Variants in HMGA2 observed in about 807,000 individuals in gnomAD.
The protein encoded by HMGA2 is high mobility group AT-hook 2.
A neutral mutation model predicts 19.1 loss-of-function variants in HMGA2; 8 were observed. The observed-to-expected ratio is 0.42, with a 90% confidence interval of 0.25 to 0.76. The LOEUF (loss-of-function observed/expected upper bound fraction) is 0.76. Ranked by LOEUF, HMGA2 falls within the 30% of genes least tolerant of loss-of-function variation. The pLI is 0.28. For missense variants in HMGA2, 109 were observed against 136.3 expected, an observed-to-expected ratio of 0.80 and a Z score of 1.00; for synonymous variants, 60 against 48.8, an observed-to-expected ratio of 1.23 and a Z score of -0.96.
intron 3 of HMGA2, among the ~76,000 whole-genome samples, chr12:65,927,700 C>T (rs901486882): frequency 2.0e-5 from 3 of 151,864 alleles, no homozygotes; most frequent in Non-Finnish European, 4.4e-5. Context: ...ATTGTATTTT[C>T]GGCTATCCAA....
chr12:65,842,672 G>T lies in HMGA2; in HGVS notation c.249+4103G>T, dbSNP rs1367168422. On this transcript the variant is annotated intron_variant, in intron 3 of 4. Transcript: ENST00000403681. ...CATGTGGTGTTCATCAGTTTGAAAA[G>T]AAGTATTTCTGCTGTTTGCCTCAAG... 2.6e-6 allele frequency: 4 copies of T among 1,530,302 alleles called. No homozygotes were observed. The East Asian group carries it at 9.8e-5, about 38-fold the overall frequency. 94.8% of individuals were successfully genotyped at this position (1,530,302 alleles called of 1,614,324 possible).
At chr12:65,860,329 C>T (rs1871990123) in intron 3 of HMGA2, among the ~76,000 whole-genome samples, 1 of 152,266 alleles carries the variant, frequency 6.6e-6, no homozygotes, top group South Asian at 2.1e-4. Flanking sequence ...GAATACTGTA[C>T]TGAAAGTGAA....
At chr12:65,844,231 C>T (rs1216483236) in intron 3 of HMGA2, among the ~76,000 whole-genome samples, 1 of 151,918 alleles carries the variant, frequency 6.6e-6, no homozygotes, top group East Asian at 1.9e-4. Flanking sequence ...TCCCTTAGAC[C>T]CTTGCCATTA....
chr12:65,880,649 A>C (rs530236223), intron 3 of HMGA2, among the ~76,000 whole-genome samples: 1 of 152,358 alleles, frequency 6.6e-6, no homozygotes, highest in South Asian at 2.1e-4. Flanking sequence ...GTTTTGCCTC[A>C]GAATCAGACA....
intron 3 of HMGA2, among the ~76,000 whole-genome samples, chr12:65,941,822 G>C (rs1334815027): frequency 1.3e-5 from 2 of 152,146 alleles, no homozygotes; most frequent in Non-Finnish European, 2.9e-5. Context: ...AATTTTCTGA[G>C]TATTGATTCT....
chr12:65,877,460 G>T (rs1193545417), intron 3 of HMGA2, among the ~76,000 whole-genome samples: 1 of 152,166 alleles, frequency 6.6e-6, no homozygotes, highest in Non-Finnish European at 1.5e-5. Context: ...GCTGAGAGGA[G>T]ATTCCAATGG....
At chr12:65,892,677 G>A (rs555836328) in intron 3 of HMGA2, among the ~76,000 whole-genome samples, 148 of 152,172 alleles carry the variant, frequency 9.7e-4, no homozygotes, top group African/African-American at 3.2e-3. Context: ...CTGATCCATG[G>A]GAATGGGGTC....
chr12:65,921,185 T>C (rs1046835287), intron 3 of HMGA2, among the ~76,000 whole-genome samples: 5 of 152,234 alleles, frequency 3.3e-5, no homozygotes, highest in Non-Finnish European at 5.9e-5. Context: ...ATTTAGAGTA[T>C]CTTGCAGAAG....
chr12:65,935,744 C>T (rs1875867290), intron 3 of HMGA2, among the ~76,000 whole-genome samples: 1 of 151,218 alleles, frequency 6.6e-6, no homozygotes, highest in Non-Finnish European at 1.5e-5. Context: ...GAAAAAGAAG[C>T]TTTTTTTTTC....
chr12:65,910,792 A>G (rs537337046), intron 3 of HMGA2, among the ~76,000 whole-genome samples: 2 of 152,090 alleles, frequency 1.3e-5, no homozygotes, highest in East Asian at 3.9e-4. Flanking sequence ...TTGGTTTCTT[A>G]TATGTGTCCT....
At chr12:65,953,593 TC>T (rs1876526043) in intron 4 of HMGA2, 1 of 152,098 alleles carries the variant, frequency 6.6e-6, no homozygotes, top group Non-Finnish European at 1.5e-5. Context: ...CAGTTGTTTT[TC>T]CCAAGAGAAT....
intron 3 of HMGA2, chr12:65,858,313 T>C (rs1449851289): frequency 2.0e-5 from 3 of 152,336 alleles, no homozygotes. Context: ...GATTTTACAG[T>C]TCTCTCTACC....
intron 4 of HMGA2, among the ~76,000 whole-genome samples, chr12:65,962,789 T>C (rs370190400): frequency 6.6e-6 from 1 of 152,184 alleles, no homozygotes; most frequent in South Asian, 2.1e-4. Flanking sequence ...ACTCTAAAAA[T>C]ACCAGCTATT....
At chr12:65,953,559 C>T (rs1382350481) in intron 4 of HMGA2, 3 of 152,092 alleles carry the variant, frequency 2.0e-5, no homozygotes, top group Admixed American at 2.0e-4. Flanking sequence ...ATTAATACAT[C>T]AAGAAATAAT....
intron 3 of HMGA2, among the ~76,000 whole-genome samples, chr12:65,878,034 G>A (rs1157471640): frequency 2.6e-5 from 4 of 152,102 alleles, no homozygotes; most frequent in African/African-American, 7.2e-5. Flanking sequence ...CCCAGCCAAG[G>A]GTGAGGTGTC....
intron 3 of HMGA2, among the ~76,000 whole-genome samples, chr12:65,936,942 G>A (rs188162733): frequency 3.9e-4 from 60 of 152,098 alleles, no homozygotes; most frequent in African/African-American, 1.1e-3. Context: ...GAAGGGAATG[G>A]AACTCACCAG....
At chr12:65,939,824 C>T (rs1005113381) in intron 3 of HMGA2, among the ~76,000 whole-genome samples, 2 of 152,056 alleles carry the variant, frequency 1.3e-5, no homozygotes, top group African/African-American at 2.4e-5. Flanking sequence ...AGGCAAGAGA[C>T]GTGGAGATTT....
At chr12:65,922,710 T>A (rs547431272) in intron 3 of HMGA2, among the ~76,000 whole-genome samples, 26 of 152,154 alleles carry the variant, frequency 1.7e-4, no homozygotes, top group Non-Finnish European at 2.9e-4. Flanking sequence ...CCAGGGGCAG[T>A]ATGATATGGT....
chr12:65,892,269 A>G (rs1873942361), intron 3 of HMGA2, among the ~76,000 whole-genome samples: 1 of 152,198 alleles, frequency 6.6e-6, no homozygotes, highest in African/African-American at 2.4e-5. Flanking sequence ...CACAGAGCAG[A>G]GACACTCATT....
Sources: gnomAD v4.1 joint callset for allele counts (sites outside exome capture counted in the v4.1 genomes callset) on GRCh38, gnomAD v4.1.1 for gene constraint, MANE v1.5 for transcripts, NCBI Gene and HGNC (gene_info 2026-07-23, HGNC 2026-07-21) for gene names.